The following SMIM7 variants were observed in gnomAD, a reference collection of about 807,000 sequenced individuals.
The protein encoded by SMIM7 is small integral membrane protein 7, also known as UPF0608 protein C19orf42.
In SMIM7, 12 loss-of-function variants were observed where a neutral mutation model predicts 13.3. That is an observed-to-expected ratio of 0.90 (90% CI 0.58 to 1.46). The LOEUF is 1.46. Among genes scored for constraint, SMIM7 ranks in the 40% most tolerant of loss-of-function variants. The probability of loss-of-function intolerance (pLI) is 0.00; values close to 1 mark genes in which losing one functional copy is unlikely to be tolerated. For synonymous variants in SMIM7, 36 were observed against 35.8 expected (o/e 1.01, Z -0.02); for missense variants, 114 against 94.8 (o/e 1.20, Z -0.84).
chr19:16,655,443 G>A (rs1307207360), intron 3 of SMIM7: 9 of 454,284 alleles, frequency 2.0e-5, no homozygotes, highest in South Asian at 7.8e-5. Context: ...CACTTCAGGA[G>A]GCCGAGGCAG....
chr19:16,653,965 C>A, intron 4 of SMIM7, 70 bp downstream of exon 4: 1 of 1,185,062 alleles, frequency 8.4e-7, no homozygotes, highest in South Asian at 1.3e-5. Context: ...AGAGAATGAC[C>A]ATCAGGTGGG....
intron 3 of SMIM7, among the ~76,000 whole-genome samples, chr19:16,654,863 G>GA (rs2086576029): frequency 1.3e-5 from 2 of 150,352 alleles, no homozygotes; most frequent in South Asian, 4.2e-4. Flanking sequence ...TGTTGTGCCA[G>GA]ACAGACACCA....
At chr19:16,645,548 C>T (rs2086440481), downstream of SMIM7, 1 of 152,140 alleles carries the variant, frequency 6.6e-6, no homozygotes, top group African/African-American at 2.4e-5. Context: ...ATTCCACAAC[C>T]TGAGAGGCAG....
intron 4 of SMIM7, among the ~76,000 whole-genome samples, chr19:16,639,226 C>T (rs2086385567): frequency 6.6e-6 from 1 of 151,608 alleles, no homozygotes; most frequent in African/African-American, 2.4e-5. Context: ...AGGTTCACGC[C>T]ATTCTCCTGC....
chr19:16,636,524 C>G (rs1322245449), intron 4 of SMIM7: 1 of 152,266 alleles, frequency 6.6e-6, no homozygotes, highest in Non-Finnish European at 1.5e-5. Context: ...CATGCGCCAC[C>G]ACACCCAGCT....
intron 3 of SMIM7, among the ~76,000 whole-genome samples, chr19:16,656,600 A>T (rs1376742419): frequency 2.0e-5 from 3 of 148,656 alleles, no homozygotes; most frequent in African/African-American, 7.6e-5. Flanking sequence ...GGTGGGAGGT[A>T]AAAAAAAAGC....
In SMIM7 at chr19:16,654,064, C is replaced by A; in HGVS notation, c.183G>T (p.Trp61Cys). ...TCATGCAGAACATCATGAAGATGTT[C>A]CACAGGGCGATGAAGATTCGAAAGT... is the stretch of plus-strand genomic sequence containing the variant. ...LRYFRIFIAL[W>C]NIFMMFCMIV... is the part of the protein sequence containing the mutation. The change falls in exon 4 of 5, where the codon TGG becomes TGT. Residue 61 changes from tryptophan to cysteine, a missense_variant. Physicochemically the swap from Trp to Cys is radical, Grantham distance 215 (BLOSUM62 -2). Transcript: ENST00000487416. 1.2e-6 allele frequency: 2 copies of A among 1,614,034 alleles called. No homozygotes were observed. The highest frequency in any genetic ancestry group is 8.5e-7 in the Non-Finnish European group (1 of 1,179,998).
At chr19:16,656,578 T>C (rs1253688100) in intron 3 of SMIM7, among the ~76,000 whole-genome samples, 1 of 151,280 alleles carries the variant, frequency 6.6e-6, no homozygotes, top group Non-Finnish European at 1.5e-5. Context: ...ACATGGCATG[T>C]GCATGGGGAA....
intron 3 of SMIM7, among the ~76,000 whole-genome samples, chr19:16,655,592 A>G (rs2122545925): frequency 6.6e-6 from 1 of 150,738 alleles, no homozygotes; most frequent in Non-Finnish European, 1.5e-5. Context: ...GAGGCAGGAG[A>G]ATCACTTGAA....
At chr19:16,649,301 G>T (rs112514107) in intron 4 of SMIM7, among the ~76,000 whole-genome samples, 8,276 of 152,120 alleles carry the variant, frequency 0.054, 626 homozygotes, top group African/African-American at 0.17. Context: ...GTTTCAGCCA[G>T]GCGCAGTGGT....
chr19:16,636,627 T>C (rs2086363116), intron 4 of SMIM7: 1 of 152,230 alleles, frequency 6.6e-6, no homozygotes, highest in Non-Finnish European at 1.5e-5. Flanking sequence ...GGTTATTTTT[T>C]ACAGTGGCAA....
At chr19:16,655,192 T>C (rs1406455041) in intron 3 of SMIM7, 5 of 383,430 alleles carry the variant, frequency 1.3e-5, no homozygotes, top group African/African-American at 2.1e-5. Context: ...GAAAGCATCC[T>C]AATTCAGGCA....
chr19:16,636,345 T>C (rs1323389114), intron 4 of SMIM7: 8 of 152,158 alleles, frequency 5.3e-5, no homozygotes, highest in East Asian at 1.9e-4. Flanking sequence ...TTCTGTACTT[T>C]TGACTTCCAG....
In SMIM7 at chr19:16,659,441, C is replaced by T; in HGVS notation, c.75G>A (p.Lys25=). 1 of 1,613,294 alleles carries T rather than the reference C, an allele frequency of 6.2e-7. No individual in the cohort carries two copies. The highest frequency in any genetic ancestry group is 1.3e-5 in the African/African-American group (1 of 75,018). ...CCTCCCCAAAGCCCTGCGTGTCCTT[C>T]TTTTTCCTACAAAGAGGAGCAGACA... ...AGAVLNFKLK[K]KDTQGFGEES... is the part of the protein sequence containing the mutation. Residue 25 remains lysine (K), a synonymous_variant, in exon 3 of 5, where the codon AAG becomes AAA. Coordinates refer to ENST00000487416, the MANE Select transcript of SMIM7 (RefSeq NM_024104.4).
At chr19:16,653,496 T>C (rs2086555298) in intron 4 of SMIM7, among the ~76,000 whole-genome samples, 2 of 151,562 alleles carry the variant, frequency 1.3e-5, no homozygotes, top group African/African-American at 4.9e-5. Context: ...GGCAGGAGAA[T>C]CGCTTGAAGC....
intron 4 of SMIM7, among the ~76,000 whole-genome samples, chr19:16,648,330 G>A (rs1599367586): frequency 6.6e-6 from 1 of 151,352 alleles, no homozygotes; most frequent in Non-Finnish European, 1.5e-5. Flanking sequence ...TAGTAGAGAC[G>A]GTGTTTCACC....
At chr19:16,638,077 G>C (rs2086373136) in intron 4 of SMIM7, among the ~76,000 whole-genome samples, 1 of 151,530 alleles carries the variant, frequency 6.6e-6, no homozygotes, top group Non-Finnish European at 1.5e-5. Context: ...GGCCAACGTG[G>C]TGAAACCCCA....
chr19:16,644,694 C>G (rs2086432439), downstream of SMIM7: 1 of 152,386 alleles, frequency 6.6e-6, no homozygotes, highest in South Asian at 2.1e-4. Context: ...GCCTCGGCCT[C>G]CCAAAGTGCT....
At chr19:16,652,884 T>C in intron 4 of SMIM7, 3 of 1,550,534 alleles carry the variant, frequency 1.9e-6, no homozygotes, top group Non-Finnish European at 2.6e-6. Context: ...ACAGCAAATC[T>C]CACAATTCGT....
Sources: allele counts gnomAD v4.1 joint callset (sites outside exome capture counted in the v4.1 genomes callset), GRCh38; gene constraint gnomAD v4.1.1; transcripts MANE v1.5; gene names NCBI Gene and HGNC (gene_info 2026-07-23, HGNC 2026-07-21).